RABGAP1L: variants seen among roughly 807,000 people sequenced by gnomAD.
The protein encoded by RABGAP1L is RAB GTPase activating protein 1 like.
Under a neutral mutation model 137.7 loss-of-function variants are expected in RABGAP1L, and 63 were observed. The ratio of observed to expected loss-of-function variants is 0.46; its 90% CI spans 0.37 to 0.56. RABGAP1L has a LOEUF of 0.56. Among genes scored for constraint, RABGAP1L ranks in the 20% least tolerant of loss-of-function variants. RABGAP1L has a pLI of 0.00. For synonymous variants in RABGAP1L, 431 were observed against 433.7 expected (o/e 0.99, Z 0.08); for missense variants, 1,095 against 1,244.0 (o/e 0.88, Z 1.80).
intron 1 of RABGAP1L, among the ~76,000 whole-genome samples, chr1:174,188,390 T>C (rs554018494): frequency 3.3e-5 from 5 of 152,362 alleles, no homozygotes; most frequent in African/African-American, 1.2e-4. Context: ...CTTATACTTT[T>C]CTGGGAATAC....
intron 19 of RABGAP1L, chr1:174,893,019 T>TA (rs1384754240): frequency 4.0e-6 from 1 of 250,394 alleles, no homozygotes; most frequent in Non-Finnish European, 8.2e-6. Flanking sequence ...GTGCTGGGGT[T>TA]ACAGGCATGA....
At chr1:174,711,270 C>T (rs1474800055) in intron 17 of RABGAP1L, among the ~76,000 whole-genome samples, 1 of 152,198 alleles carries the variant, frequency 6.6e-6, no homozygotes, top group East Asian at 1.9e-4. Flanking sequence ...CTTGGCCAGC[C>T]CAGGAAGGGG....
At position 174,991,274 on chromosome 1, in the gene RABGAP1L, T is replaced by A. The variant is rs1422154376; in HGVS notation, c.*1273T>A. The stretch of plus-strand genomic sequence containing the variant: ...AACTATTTTTATTTTATAAACTATT[T>A]TGGAGGCCTCTGATCCTTTCAAACC... On this transcript the variant is annotated 3_prime_UTR_variant, in exon 26 of 26. Transcript: ENST00000681986. 2.0e-5 allele frequency: 3 copies of A among 152,244 alleles called. No individual in the cohort carries two copies. The highest frequency in any genetic ancestry group is 7.2e-5 in the African/African-American group (3 of 41,460). 9.4% of individuals were successfully genotyped at this position (152,244 alleles called of 1,614,324 possible).
intron 13 of RABGAP1L, among the ~76,000 whole-genome samples, chr1:174,508,777 C>G (rs1662065030): frequency 6.6e-6 from 1 of 152,042 alleles, no homozygotes. Context: ...AACTTATTTT[C>G]TTCTCATCCT....
In RABGAP1L at chr1:174,759,113, C is replaced by T. The variant is rs555063453; in HGVS notation, c.2211+6759C>T. On this transcript the variant is annotated intron_variant, in intron 18 of 25. Coordinates refer to ENST00000681986, the MANE Select transcript of RABGAP1L (RefSeq NM_001366446.1). Reference sequence around the variant, plus strand: ...ATAAATATTGGATACCTATGAAGTGCCAGGTACTGTTCTAGACATTGGAGA... The same window carrying T: ...ATAAATATTGGATACCTATGAAGTGTCAGGTACTGTTCTAGACATTGGAGA... 2.0e-5 allele frequency among the ~76,000 whole-genome samples: 3 copies of T among 151,946 alleles called. No individual in the cohort carries two copies. In the South Asian group the frequency reaches 6.3e-4, roughly 32 times the overall value.
chr1:174,656,971 C>T (rs1676017633), intron 14 of RABGAP1L, among the ~76,000 whole-genome samples: 1 of 151,796 alleles, frequency 6.6e-6, no homozygotes. Flanking sequence ...AGTGTAGAGC[C>T]TTCTCAGGAC....
At chr1:174,384,049 G>A (rs543337019) in intron 12 of RABGAP1L, among the ~76,000 whole-genome samples, 2 of 152,262 alleles carry the variant, frequency 1.3e-5, no homozygotes, top group South Asian at 4.1e-4. Flanking sequence ...AAAAGTAAAT[G>A]GATCAACCAA....
intron 13 of RABGAP1L, among the ~76,000 whole-genome samples, chr1:174,610,728 C>T (rs542200216): frequency 6.6e-6 from 1 of 152,174 alleles, no homozygotes; most frequent in Non-Finnish European, 1.5e-5. Flanking sequence ...TCTTTCCTGA[C>T]TTTTTAATGA....
intron 19 of RABGAP1L, among the ~76,000 whole-genome samples, chr1:174,884,580 T>C (rs1654777112): frequency 6.6e-6 from 1 of 152,190 alleles, no homozygotes; most frequent in African/African-American, 2.4e-5. Context: ...AACCAATCAT[T>C]TGGTTGATCA....
At chr1:174,166,810 G>T (rs1227380853) in intron 1 of RABGAP1L, among the ~76,000 whole-genome samples, 1 of 152,124 alleles carries the variant, frequency 6.6e-6, no homozygotes, top group Non-Finnish European at 1.5e-5. Flanking sequence ...GTGTTGCCCA[G>T]GTAACAACAC....
chr1:174,601,521 A>G (rs536140833), intron 13 of RABGAP1L, among the ~76,000 whole-genome samples: 70 of 152,266 alleles, frequency 4.6e-4, no homozygotes, highest in African/African-American at 1.5e-3. Context: ...GGGGAGGGAT[A>G]GCATTAGGAG....
intron 13 of RABGAP1L, among the ~76,000 whole-genome samples, chr1:174,429,867 C>T (rs1652404766): frequency 6.6e-6 from 1 of 152,046 alleles, no homozygotes; most frequent in African/African-American, 2.4e-5. Context: ...TGTTTCCAGC[C>T]ATTTCCAGCC....
At chr1:174,387,579 G>C (rs1237920345) in intron 12 of RABGAP1L, among the ~76,000 whole-genome samples, 1 of 151,526 alleles carries the variant, frequency 6.6e-6, no homozygotes, top group Admixed American at 6.6e-5. Flanking sequence ...ATTGGAGTAG[G>C]AAGAACATTG....
chr1:174,411,268 A>C (rs540114905), intron 13 of RABGAP1L, among the ~76,000 whole-genome samples: 1 of 151,986 alleles, frequency 6.6e-6, no homozygotes, highest in African/African-American at 2.4e-5. Flanking sequence ...TTCCATTACT[A>C]TGTTGAATAG....
At position 174,416,019 on chromosome 1, in the gene RABGAP1L, C is replaced by CATATATATATATATATATATATATAT. The variant is rs143285036; in HGVS notation, c.1710+21891_1710+21892insTATATATATATATATATATATATATA. ...TTAAGGAATTTCCCTAGAAAATTTA[C>CATATATATATATATATATATATATAT]ATATATATATATATATACACACACA... is the stretch of plus-strand genomic sequence containing the variant. On this transcript the variant is annotated intron_variant, in intron 13 of 25. Transcript: ENST00000681986. Among the ~76,000 whole-genome samples, 326 of 128,936 alleles carry CATATATATATATATATATATATATAT rather than the reference C, an allele frequency of 2.5e-3. 6 individuals carry two copies. The highest frequency in any genetic ancestry group is 0.01 in the African/African-American group (280 of 27,238). 84.6% of individuals were successfully genotyped at this position (128,936 alleles called of 152,430 possible). A position where few individuals can be genotyped will look rare whatever the true frequency, so the allele number is the denominator to read the frequency against.
At chr1:174,788,327 A>G (rs1468406715) in intron 18 of RABGAP1L, among the ~76,000 whole-genome samples, 1 of 152,196 alleles carries the variant, frequency 6.6e-6, no homozygotes, top group African/African-American at 2.4e-5. Context: ...GACTTGGTAA[A>G]GAATATTGTC....
Position 174,355,887 on chromosome 1 carries a change from A to T in RABGAP1L, c.1466-15092A>T, listed in dbSNP as rs942003707. On this transcript the variant is annotated intron_variant, in intron 11 of 25. Coordinates refer to ENST00000681986, the MANE Select transcript of RABGAP1L (RefSeq NM_001366446.1). ...TACCTTGAATCTTCTCTCTGTAATAAATCACCCTGCTTTTGACAGTGGGAA... is the reference window on the plus strand; with the variant it reads ...TACCTTGAATCTTCTCTCTGTAATATATCACCCTGCTTTTGACAGTGGGAA... 5.9e-5 allele frequency among the ~76,000 whole-genome samples: 9 copies of T among 152,294 alleles called. No homozygotes were observed. In the Middle Eastern group the frequency reaches 0.01, roughly 173 times the overall value.
At chr1:174,437,575 G>C (rs144341621) in intron 13 of RABGAP1L, among the ~76,000 whole-genome samples, 273 of 152,306 alleles carry the variant, frequency 1.8e-3, no homozygotes, top group Non-Finnish European at 3.1e-3. Context: ...TATGTGAGAA[G>C]ACCAAACCTA....
chr1:174,957,743 T>TAG, intron 20 of RABGAP1L, 194 bp downstream of exon 20: 1 of 888,208 alleles, frequency 1.1e-6, no homozygotes, highest in Non-Finnish European at 1.8e-6. Flanking sequence ...TTTTTTTTTT[T>TAG]TTTCTTAAAG....
Sources: gnomAD v4.1 joint callset for allele counts (sites outside exome capture counted in the v4.1 genomes callset) on GRCh38, gnomAD v4.1.1 for gene constraint, MANE v1.5 for transcripts, NCBI Gene and HGNC (gene_info 2026-07-23, HGNC 2026-07-21) for gene names.